Variants in PCDH9 observed in about 807,000 individuals in gnomAD.
PCDH9 encodes protocadherin 9.
In PCDH9, 24 loss-of-function variants were observed where a neutral mutation model predicts 70.6. That is an observed-to-expected ratio of 0.34 (90% CI 0.25 to 0.48). PCDH9 has a LOEUF of 0.48. Ranked by LOEUF, PCDH9 falls within the 20% of genes least tolerant of loss-of-function variation. PCDH9 has a pLI of 0.99. For missense variants in PCDH9, 1,281 were observed against 1,503.6 expected (o/e 0.85, Z 2.45); for synonymous variants, 562 against 558.5 (o/e 1.01, Z -0.09).
At chr13:66,849,504 AT>A (rs2081274670) in intron 3 of PCDH9, among the ~76,000 whole-genome samples, 3 of 106,924 alleles carry the variant, frequency 2.8e-5, no homozygotes, top group Non-Finnish European at 5.8e-5. Context: ...ATATATATAT[AT>A]ATATATATAT....
intron 2 of PCDH9, among the ~76,000 whole-genome samples, chr13:67,121,523 T>C (rs1253555485): frequency 1.3e-5 from 2 of 152,208 alleles, no homozygotes; most frequent in Non-Finnish European, 2.9e-5. Flanking sequence ...ATTACAGTGT[T>C]TGTCCTTGCC....
intron 3 of PCDH9, among the ~76,000 whole-genome samples, chr13:66,739,033 T>A (rs1285951011): frequency 3.8e-4 from 43 of 112,130 alleles, no homozygotes; most frequent in African/African-American, 1.3e-3. Flanking sequence ...CCAAGACACA[T>A]AATTGTCAGA....
intron 4 of PCDH9, among the ~76,000 whole-genome samples, chr13:66,398,560 A>G (rs1221409486): frequency 6.6e-6 from 1 of 152,112 alleles, no homozygotes; most frequent in Non-Finnish European, 1.5e-5. Flanking sequence ...ATTCTGAAAA[A>G]AGTTTATAGA....
chr13:66,929,050 C>T (rs2082762035), intron 2 of PCDH9, among the ~76,000 whole-genome samples: 2 of 152,048 alleles, frequency 1.3e-5, no homozygotes, highest in Non-Finnish European at 2.9e-5. Flanking sequence ...AAAAATTATG[C>T]TCTTTTAAAT....
At chr13:66,559,540 C>T (rs1189511863) in intron 4 of PCDH9, among the ~76,000 whole-genome samples, 1 of 151,948 alleles carries the variant, frequency 6.6e-6, no homozygotes, top group Non-Finnish European at 1.5e-5. Context: ...GTGGCTCACG[C>T]CTGTAATCCC....
chr13:67,154,605 TACACACACAC>T (rs765270091), intron 2 of PCDH9, among the ~76,000 whole-genome samples: 26 of 93,288 alleles, frequency 2.8e-4, no homozygotes, highest in Admixed American at 1.0e-3. Flanking sequence ...AATATATATA[TACACACACAC>T]ACACACACAC....
intron 2 of PCDH9, chr13:66,991,128 G>C (rs2083994366): frequency 6.6e-6 from 1 of 151,926 alleles, no homozygotes; most frequent in Non-Finnish European, 1.5e-5. Flanking sequence ...ATTTTTCTGT[G>C]ATACAGTGTC....
At chr13:67,150,435 C>T (rs1358946867) in intron 2 of PCDH9, among the ~76,000 whole-genome samples, 2 of 152,128 alleles carry the variant, frequency 1.3e-5, no homozygotes, top group South Asian at 2.1e-4. Flanking sequence ...TTTTATTAAG[C>T]CACATTTTGA....
intron 2 of PCDH9, among the ~76,000 whole-genome samples, chr13:66,926,815 A>G (rs140990287): frequency 6.6e-6 from 1 of 152,126 alleles, no homozygotes; most frequent in East Asian, 1.9e-4. Context: ...TTCCTATTTT[A>G]CATGAGCTTA....
chr13:67,075,908 T>G (rs934598186), intron 2 of PCDH9, among the ~76,000 whole-genome samples: 2 of 152,082 alleles, frequency 1.3e-5, no homozygotes, highest in East Asian at 1.9e-4. Flanking sequence ...ATTATGCAAC[T>G]GCATAAATTT....
intron 3 of PCDH9, among the ~76,000 whole-genome samples, chr13:66,654,758 G>A (rs2077904517): frequency 1.3e-5 from 2 of 152,294 alleles, no homozygotes; most frequent in East Asian, 1.9e-4. Flanking sequence ...CAAGCTGGGT[G>A]CAGTGGCATG....
chr13:67,127,872 G>A (rs1319457335), intron 2 of PCDH9, among the ~76,000 whole-genome samples: 1 of 151,754 alleles, frequency 6.6e-6, no homozygotes, highest in Non-Finnish European at 1.5e-5. Flanking sequence ...TTGCAAATCA[G>A]GTGTTTATAT....
At chr13:67,228,982 G>A (rs1453617150) in intron 1 of PCDH9, among the ~76,000 whole-genome samples, 1 of 152,082 alleles carries the variant, frequency 6.6e-6, no homozygotes, top group Admixed American at 6.5e-5. Context: ...TAATTGCTTT[G>A]TCACATGTCA....
chr13:66,676,641 T>G (rs2078247103), intron 3 of PCDH9, among the ~76,000 whole-genome samples: 1 of 152,234 alleles, frequency 6.6e-6, no homozygotes, highest in Non-Finnish European at 1.5e-5. Context: ...ATATCGTCAC[T>G]TCTCTTTAAA....
intron 4 of PCDH9, among the ~76,000 whole-genome samples, chr13:66,551,497 A>G (rs1443679800): frequency 6.6e-6 from 1 of 152,186 alleles, no homozygotes; most frequent in African/African-American, 2.4e-5. Context: ...TTCTAGAAAC[A>G]TGTCAAATTT....
chr13:66,664,858 A>G (rs2078070992), intron 3 of PCDH9, among the ~76,000 whole-genome samples: 2 of 151,930 alleles, frequency 1.3e-5, no homozygotes, highest in Admixed American at 1.3e-4. Flanking sequence ...TCCCATCCCT[A>G]CATCCCATGA....
At chr13:67,188,058 T>C (rs1366978837) in intron 2 of PCDH9, among the ~76,000 whole-genome samples, 1 of 152,078 alleles carries the variant, frequency 6.6e-6, no homozygotes, top group East Asian at 1.9e-4. Flanking sequence ...TATAATAGAA[T>C]TGTAAAAATT....
chr13:66,847,912 A>G (rs938583717), intron 3 of PCDH9, among the ~76,000 whole-genome samples: 12 of 152,184 alleles, frequency 7.9e-5, no homozygotes, highest in Non-Finnish European at 4.4e-5. Context: ...CATACAATAT[A>G]TTCAAATGGT....
At chr13:66,319,991 T>C (rs1955724772) in intron 4 of PCDH9, among the ~76,000 whole-genome samples, 1 of 152,096 alleles carries the variant, frequency 6.6e-6, no homozygotes, top group Non-Finnish European at 1.5e-5. Context: ...ATAGGTAATA[T>C]GCAAGCCAAT....
Sources: allele counts gnomAD v4.1 joint callset (sites outside exome capture counted in the v4.1 genomes callset), GRCh38; gene constraint gnomAD v4.1.1; transcripts MANE v1.5; gene names NCBI Gene and HGNC (gene_info 2026-07-23, HGNC 2026-07-21).